HIVEP2: variants seen among roughly 807,000 people sequenced by gnomAD.
The protein encoded by HIVEP2 is transcription factor HIVEP2.
In HIVEP2, 14 loss-of-function variants were observed where a neutral mutation model predicts 180.7. The ratio of observed to expected loss-of-function variants is 0.08; its 90% CI spans 0.05 to 0.12. The LOEUF is 0.12. Among genes scored for constraint, HIVEP2 ranks in the 10% least tolerant of loss-of-function variants. The probability of loss-of-function intolerance (pLI) is 1.00; values close to 1 mark genes in which losing one functional copy is unlikely to be tolerated. For missense variants in HIVEP2, 2,579 were observed against 3,008.5 expected (o/e 0.86, Z 3.34); for synonymous variants, 1,184 against 1,136.4 (o/e 1.04, Z -0.84).
intron 2 of HIVEP2, among the ~76,000 whole-genome samples, chr6:142,797,535 C>T (rs1008893456): frequency 2.0e-5 from 3 of 152,142 alleles, no homozygotes; most frequent in South Asian, 4.1e-4. Context: ...CCATTGCATA[C>T]ATATGTGCTT....
intron 1 of HIVEP2, among the ~76,000 whole-genome samples, chr6:142,924,853 T>G (rs561006371): frequency 1.9e-3 from 293 of 152,356 alleles, no homozygotes; most frequent in African/African-American, 6.8e-3. Flanking sequence ...GAGATTCAAC[T>G]AATAAGTCTA....
rs992661279 is a variant in HIVEP2 at position 142,773,658 on chromosome 6, C to G, written c.1081G>C (p.Asp361His). 6.2e-7 allele frequency: 1 copy of G among 1,614,058 alleles called. No homozygotes were observed. The highest frequency in any genetic ancestry group is 8.5e-7 in the Non-Finnish European group (1 of 1,180,034). Residue 361 changes from aspartate to histidine, a missense_variant, in exon 5 of 10, where the codon GAT becomes CAT. This residue lies in a region of HIVEP2 where 47 missense variants were observed against 92.5 expected (regional missense o/e 0.51). Transcript: ENST00000367603. Reference protein sequence around the residue: ...PNPSLNTKADDSHTVKQKLAL... With the variant: ...PNPSLNTKADHSHTVKQKLAL... ...AGTTTCTGTTTGACTGTGTGCGAAT[C>G]ATCAGCCTTAGTATTTAAAGATGGA...
intron 1 of HIVEP2, among the ~76,000 whole-genome samples, chr6:142,879,267 A>T (rs2128415663): frequency 6.6e-6 from 1 of 152,290 alleles, no homozygotes; most frequent in Middle Eastern, 3.4e-3. Context: ...GACCACAAAC[A>T]GAGTAATTTG....
At chr6:142,780,172 T>C (rs1775817813) in intron 3 of HIVEP2, among the ~76,000 whole-genome samples, 1 of 152,218 alleles carries the variant, frequency 6.6e-6, no homozygotes, top group Non-Finnish European at 1.5e-5. Context: ...CTCTTCCTTT[T>C]AAATTTCTAA....
In HIVEP2 at chr6:142,769,593, C is replaced by T. The variant is rs767899502; in HGVS notation, c.5146G>A (p.Gly1716Ser). The change falls in exon 5 of 10, where the codon GGC becomes AGC. Residue 1716 changes from glycine (G) to serine (S), a missense_variant. By Grantham distance (56) the Gly-to-Ser change is moderately conservative. Transcript: ENST00000367603. ...TLAAMHRPGTGKLTSSSAWKQ... is the reference protein window; with the variant it reads ...TLAAMHRPGTSKLTSSSAWKQ... ...CAAGCACTTGATGATGTAAGCTTGC[C>T]GGTTCCAGGCCTATGCATAGCAGCC... is the stretch of plus-strand genomic sequence containing the variant. 9.3e-6 allele frequency: 15 copies of T among 1,613,990 alleles called. No individual in the cohort carries two copies. The highest frequency in any genetic ancestry group is 4.5e-5 in the East Asian group (2 of 44,888).
At chr6:142,823,913 T>A (rs1777110643) in intron 2 of HIVEP2, among the ~76,000 whole-genome samples, 1 of 152,246 alleles carries the variant, frequency 6.6e-6, no homozygotes, top group African/African-American at 2.4e-5. Flanking sequence ...TTAAATGTTT[T>A]ATTCATTCAT....
chr6:142,816,170 C>A (rs1384231486), intron 2 of HIVEP2, among the ~76,000 whole-genome samples: 1 of 152,116 alleles, frequency 6.6e-6, no homozygotes, highest in African/African-American at 2.4e-5. Context: ...AATATTTATG[C>A]AGCTGGTAGA....
At chr6:142,897,703 G>A (rs1340656306) in intron 1 of HIVEP2, among the ~76,000 whole-genome samples, 1 of 152,162 alleles carries the variant, frequency 6.6e-6, no homozygotes, top group East Asian at 1.9e-4. Context: ...TAACATAACT[G>A]GAAAAGGGCA....
At chr6:142,801,211 A>C (rs1353517683) in intron 2 of HIVEP2, among the ~76,000 whole-genome samples, 1 of 144,210 alleles carries the variant, frequency 6.9e-6, no homozygotes, top group Non-Finnish European at 1.5e-5. Flanking sequence ...AAAAAAAAAA[A>C]CGAGGGAATA....
At chr6:142,804,363 C>G (rs1237519742) in intron 2 of HIVEP2, among the ~76,000 whole-genome samples, 1 of 152,118 alleles carries the variant, frequency 6.6e-6, no homozygotes, top group Non-Finnish European at 1.5e-5. Context: ...GGGTCACACT[C>G]TCCTGATCTG....
At chr6:142,916,820 A>C (rs984512555) in intron 1 of HIVEP2, among the ~76,000 whole-genome samples, 4 of 152,194 alleles carry the variant, frequency 2.6e-5, no homozygotes, top group African/African-American at 9.7e-5. Flanking sequence ...CCAGCACCTA[A>C]CAGCTACTCA....
At chr6:142,942,152 T>C (rs6933661) in intron 1 of HIVEP2, among the ~76,000 whole-genome samples, 38,394 of 152,072 alleles carry the variant, frequency 0.25, 5,128 homozygotes, top group East Asian at 0.43. Flanking sequence ...AGCTTTCAAA[T>C]TGACTTTAGC....
Position 142,879,802 on chromosome 6 carries a change from C to T in HIVEP2, c.-640-42755G>A, listed in dbSNP as rs555660109. Among the ~76,000 whole-genome samples, 8 of 152,256 alleles carry T rather than the reference C, an allele frequency of 5.3e-5. No individual in the cohort carries two copies. In the East Asian group the frequency reaches 1.5e-3, roughly 29 times the overall value. On this transcript the variant is annotated intron_variant, in intron 1 of 9. Transcript: ENST00000367603. Reference sequence around the variant, plus strand: ...CTCCTTCTGACCCTCCCATGCCCGTCTCCAAACATGGCTCACCCACAGGCT... The same window carrying T: ...CTCCTTCTGACCCTCCCATGCCCGTTTCCAAACATGGCTCACCCACAGGCT...
intron 1 of HIVEP2, among the ~76,000 whole-genome samples, chr6:142,895,606 A>G (rs1366701404): frequency 6.6e-6 from 1 of 152,166 alleles, no homozygotes; most frequent in African/African-American, 2.4e-5. Flanking sequence ...AGCCTTTTTC[A>G]TTTAGCAGTG....
intron 9 of HIVEP2, among the ~76,000 whole-genome samples, chr6:142,757,676 T>C (rs1297822309): frequency 6.6e-6 from 1 of 151,896 alleles, no homozygotes; most frequent in Non-Finnish European, 1.5e-5. Context: ...ATAATACCCA[T>C]GATCAGATAT....
intron 1 of HIVEP2, among the ~76,000 whole-genome samples, chr6:142,851,445 T>G (rs2114925797): frequency 6.6e-6 from 1 of 152,362 alleles, no homozygotes; most frequent in African/African-American, 2.4e-5. Flanking sequence ...ATGAAAGATC[T>G]AGAAACGGTA....
chr6:142,812,385 G>C (rs943514577), intron 2 of HIVEP2, among the ~76,000 whole-genome samples: 2 of 152,108 alleles, frequency 1.3e-5, no homozygotes, highest in East Asian at 3.9e-4. Flanking sequence ...TACTAAGAAA[G>C]GTCTTGCCTT....
At chr6:142,895,306 T>A (rs143338174) in intron 1 of HIVEP2, among the ~76,000 whole-genome samples, 2 of 152,340 alleles carry the variant, frequency 1.3e-5, no homozygotes, top group East Asian at 3.9e-4. Flanking sequence ...AGAAATGTTT[T>A]TTTCAGGACT....
intron 1 of HIVEP2, among the ~76,000 whole-genome samples, chr6:142,907,721 G>A (rs1777302748): frequency 6.6e-6 from 1 of 152,126 alleles, no homozygotes; most frequent in Non-Finnish European, 1.5e-5. Flanking sequence ...TGTCCACTGG[G>A]CAATTCAACA....
Sources: allele counts gnomAD v4.1 joint callset (sites outside exome capture counted in the v4.1 genomes callset), GRCh38; gene constraint gnomAD v4.1.1; regional missense constraint gnomAD v4.1.1; transcripts MANE v1.5; gene names NCBI Gene and HGNC (gene_info 2026-07-23, HGNC 2026-07-21).